Variants in ST8SIA2 observed in about 807,000 individuals in gnomAD.
ST8SIA2 encodes alpha-2,8-sialyltransferase 8B.
In ST8SIA2, 22 loss-of-function variants were observed where a neutral mutation model predicts 37.6. The ratio of observed to expected loss-of-function variants is 0.58; its 90% CI spans 0.42 to 0.83. ST8SIA2 has a LOEUF of 0.83. Among genes scored for constraint, ST8SIA2 ranks in the 40% least tolerant of loss-of-function variants. ST8SIA2 has a pLI of 0.00. For missense variants in ST8SIA2, 382 were observed against 484.7 expected, an observed-to-expected ratio of 0.79 and a Z score of 1.99; for synonymous variants, 205 against 201.2, an observed-to-expected ratio of 1.02 and a Z score of -0.16.
intron 1 of ST8SIA2, among the ~76,000 whole-genome samples, chr15:92,403,096 T>G (rs2035645): frequency 0.62 from 94,421 of 151,922 alleles, 29,796 homozygotes; most frequent in East Asian, 0.84. Flanking sequence ...CCTTTCCTAC[T>G]GTAACCACAT....
intron 3 of ST8SIA2, among the ~76,000 whole-genome samples, chr15:92,437,063 A>G (rs1160040384): frequency 6.6e-6 from 1 of 152,228 alleles, no homozygotes; most frequent in Non-Finnish European, 1.5e-5. Flanking sequence ...GCAGGCTTTC[A>G]GGCCTCAGTG....
intron 3 of ST8SIA2, among the ~76,000 whole-genome samples, chr15:92,437,009 C>T (rs927822313): frequency 3.9e-5 from 6 of 152,200 alleles, no homozygotes; most frequent in Non-Finnish European, 7.3e-5. Flanking sequence ...ACTGAATGTG[C>T]AGCCTACTGG....
intron 1 of ST8SIA2, among the ~76,000 whole-genome samples, chr15:92,429,443 G>A (rs2049699255): frequency 6.6e-6 from 1 of 152,178 alleles, no homozygotes; most frequent in African/African-American, 2.4e-5. Flanking sequence ...TACAGAGGAA[G>A]AAACAAGGGA....
intron 1 of ST8SIA2, among the ~76,000 whole-genome samples, chr15:92,410,322 A>G (rs2049539890): frequency 6.6e-6 from 1 of 152,252 alleles, no homozygotes; most frequent in Non-Finnish European, 1.5e-5. Flanking sequence ...TACATTAAAA[A>G]GAAAAGAAAG....
Position 92,464,320 on chromosome 15 carries a change from C to T in ST8SIA2, c.1063C>T (p.Leu355Phe). ...PHTMPLEFKALKSLHEQGALK... is the reference protein window; with the variant it reads ...PHTMPLEFKAFKSLHEQGALK... The stretch of plus-strand genomic sequence containing the variant: ...TACCATGCCCTTGGAGTTTAAGGCC[C>T]TCAAGAGCCTACATGAGCAGGGGGC... The change falls in exon 6 of 6, where the codon CTC (leucine) becomes TTC (phenylalanine). Residue 355 changes from leucine to phenylalanine, a missense_variant. Leu to Phe is a conservative substitution (Grantham distance 22, BLOSUM62 0). Transcript: ENST00000268164. 6.2e-7 allele frequency: 1 copy of T among 1,614,076 alleles called. No individual in the cohort carries two copies. Among genetic ancestry groups the T allele is most frequent in the Non-Finnish European group, 8.5e-7 (1 of 1,180,030 alleles).
At chr15:92,409,529 T>TC (rs1567211520) in intron 1 of ST8SIA2, among the ~76,000 whole-genome samples, 1 of 151,628 alleles carries the variant, frequency 6.6e-6, no homozygotes, top group Non-Finnish European at 1.5e-5. Flanking sequence ...GTTCTGCTTT[T>TC]TTCATTTTCC....
At chr15:92,448,127 C>A (rs933059464) in intron 5 of ST8SIA2, among the ~76,000 whole-genome samples, 1 of 152,088 alleles carries the variant, frequency 6.6e-6, no homozygotes, top group Non-Finnish European at 1.5e-5. Context: ...AGTAATAAGC[C>A]CTTTAAACAA....
intron 2 of ST8SIA2, 30 bp downstream of exon 2, chr15:92,430,141 T>C (rs368130424): frequency 1.2e-5 from 20 of 1,608,150 alleles, no homozygotes; most frequent in Non-Finnish European, 1.7e-5. Flanking sequence ...TGTTCATTTG[T>C]TTTTGCTGTA....
intron 1 of ST8SIA2, chr15:92,421,350 G>A (rs762437052): frequency 2.6e-5 from 4 of 152,174 alleles, no homozygotes; most frequent in African/African-American, 4.8e-5. Flanking sequence ...TTTTCACATC[G>A]TAGAGCAGGA....
At chr15:92,454,692 C>A (rs1186139952) in intron 5 of ST8SIA2, among the ~76,000 whole-genome samples, 4 of 152,168 alleles carry the variant, frequency 2.6e-5, no homozygotes, top group South Asian at 2.1e-4. Flanking sequence ...CTGGTGCCAA[C>A]AAGGCGGGCT....
intron 5 of ST8SIA2, among the ~76,000 whole-genome samples, chr15:92,448,732 C>A (rs2049860620): frequency 1.3e-5 from 2 of 152,104 alleles, no homozygotes; most frequent in Non-Finnish European, 2.9e-5. Flanking sequence ...CTCAAGAGTT[C>A]CAGAGGCTGG....
intron 1 of ST8SIA2, among the ~76,000 whole-genome samples, chr15:92,405,402 A>G (rs995331848): frequency 6.6e-6 from 1 of 152,246 alleles, no homozygotes; most frequent in Non-Finnish European, 1.5e-5. Flanking sequence ...ACGGATGGTA[A>G]TGATAGCTGC....
intron 5 of ST8SIA2, among the ~76,000 whole-genome samples, chr15:92,457,398 G>A (rs763275227): frequency 1.7e-4 from 26 of 152,166 alleles, no homozygotes; most frequent in Non-Finnish European, 2.5e-4. Flanking sequence ...ATTGCTGTCC[G>A]TGCTCATAAA....
In ST8SIA2 at chr15:92,416,241, G is replaced by T. The variant is rs192452897; in HGVS notation, c.99-13808G>T. Among the ~76,000 whole-genome samples, 521 of 150,414 alleles carry T rather than the reference G, an allele frequency of 3.5e-3. 8 individuals carry two copies. Among genetic ancestry groups the T allele is most frequent in the African/African-American group, 0.012 (499 of 40,682 alleles). On this transcript the variant is annotated intron_variant, in intron 1 of 5. Coordinates refer to ENST00000268164, the MANE Select transcript of ST8SIA2 (RefSeq NM_006011.4). ...GGGGACACTTGAAGGGGGGGTGGGG[G>T]TGTGGTGAGGGAGAGTGGGGAGTGT...
chr15:92,432,298 G>A (rs1474087325), intron 2 of ST8SIA2, among the ~76,000 whole-genome samples: 6 of 152,182 alleles, frequency 3.9e-5, no homozygotes, highest in East Asian at 1.9e-4. Flanking sequence ...ATTCTGTGTC[G>A]CTGAGGTCAG....
In ST8SIA2 at chr15:92,413,001, T is replaced by C. The variant is rs111495276; in HGVS notation, c.99-17048T>C. Among the ~76,000 whole-genome samples, 934 of 151,366 alleles carry C rather than the reference T, an allele frequency of 6.2e-3. 7 individuals carry two copies. The highest frequency in any genetic ancestry group is 0.031 in the Middle Eastern group (9 of 290). Reference sequence around the variant, plus strand: ...TCAGCATTGCCCAGTAATGGGTAGGTGTTTATAGCTCTGTTCCTTTGCTGG... The same window carrying C: ...TCAGCATTGCCCAGTAATGGGTAGGCGTTTATAGCTCTGTTCCTTTGCTGG... On this transcript the variant is annotated intron_variant, in intron 1 of 5. Transcript: ENST00000268164.
intron 5 of ST8SIA2, 73 bp downstream of exon 5, chr15:92,445,002 C>G: frequency 6.3e-7 from 1 of 1,590,170 alleles, no homozygotes; most frequent in South Asian, 1.1e-5. Flanking sequence ...GTATCCCTTT[C>G]CCAGGTGCAT....
intron 5 of ST8SIA2, among the ~76,000 whole-genome samples, chr15:92,456,082 A>G (rs2049917439): frequency 6.6e-6 from 1 of 152,268 alleles, no homozygotes; most frequent in Non-Finnish European, 1.5e-5. Context: ...TTAAGCCCCC[A>G]AGAAATGGTC....
intron 1 of ST8SIA2, among the ~76,000 whole-genome samples, chr15:92,414,255 G>C (rs1163981762): frequency 6.6e-6 from 1 of 152,214 alleles, no homozygotes; most frequent in African/African-American, 2.4e-5. Flanking sequence ...GCCCTGACCT[G>C]GCTTCGTACC....
Sources: gnomAD v4.1 joint callset for allele counts (sites outside exome capture counted in the v4.1 genomes callset) on GRCh38, gnomAD v4.1.1 for gene constraint, MANE v1.5 for transcripts, NCBI Gene and HGNC (gene_info 2026-07-23, HGNC 2026-07-21) for gene names.